Variants in TSN observed in about 807,000 individuals in gnomAD.
TSN encodes the protein component 3 of promoter of RISC.
TSN carries 5 observed loss-of-function variants against 29.4 expected under a neutral mutation model. The observed-to-expected ratio is 0.17, with a 90% CI of 0.09 to 0.36. The LOEUF is 0.36. Among genes scored for constraint, TSN ranks in the 10% least tolerant of loss-of-function variants. The pLI, the probability that TSN is intolerant of heterozygous loss-of-function variation, is 1.00. For missense variants in TSN, 159 were observed against 272.8 expected (o/e 0.58, Z 2.94); for synonymous variants, 106 against 102.2 (o/e 1.04, Z -0.23).
chr2:121,761,445 G>C lies in TSN; in HGVS notation c.294G>C (p.Leu98Phe). 1 of 1,614,054 alleles carries C rather than the reference G, an allele frequency of 6.2e-7. No homozygotes were observed. The highest frequency in any genetic ancestry group is 8.5e-7 in the Non-Finnish European group (1 of 1,180,006). ...HEHWRFVLQR[L>F]VFLAAFVVYL... Reference sequence around the variant, plus strand: ...ACTGGAGGTTTGTGTTGCAGCGCTTGGTCTTCTTGGCAGCATTTGTTGTGT... The same window carrying C: ...ACTGGAGGTTTGTGTTGCAGCGCTTCGTCTTCTTGGCAGCATTTGTTGTGT... The change falls in exon 4 of 6, where the codon TTG (leucine) becomes TTC (phenylalanine). Residue 98 changes from leucine (L) to phenylalanine (F), a missense_variant. Transcript: ENST00000389682.
At chr2:121,756,828 G>A in intron 1 of TSN, 1 of 297,808 alleles carries the variant, frequency 3.4e-6, no homozygotes, top group Non-Finnish European at 6.6e-6. Flanking sequence ...AGAATGGCGT[G>A]AACCCGGGAG....
At chr2:121,756,769 C>T in intron 1 of TSN, 2 of 436,030 alleles carry the variant, frequency 4.6e-6, no homozygotes, top group South Asian at 2.1e-5. Context: ...ATTAACTGGG[C>T]ATGGTTGCGC....
chr2:121,756,504 C>T (rs1296535113), intron 1 of TSN: 12 of 446,400 alleles, frequency 2.7e-5, no homozygotes, highest in Admixed American at 2.1e-4. Flanking sequence ...TTAAAAAAAT[C>T]TTCTCCCTCA....
Position 121,756,313 on chromosome 2 carries a change from C to T in TSN, c.66+468C>T, listed in dbSNP as rs761123708. ...GTCTTTGTGTATGATGTTCACTTTACCTCTTCTAGTGCCCCAAATAGCTTC... is the reference window on the plus strand; with the variant it reads ...GTCTTTGTGTATGATGTTCACTTTATCTCTTCTAGTGCCCCAAATAGCTTC... On this transcript the variant is annotated intron_variant, in intron 1 of 5. Coordinates refer to ENST00000389682, the MANE Select transcript of TSN (RefSeq NM_004622.3). 1.7e-4 allele frequency: 42 copies of T among 249,122 alleles called. 1 individual carries two copies. The highest frequency in any genetic ancestry group is 1.0e-4 in the Admixed American group (2 of 19,050). 15.4% of individuals were successfully genotyped at this position (249,122 alleles called of 1,614,324 possible).
At position 121,765,541 on chromosome 2, in the gene TSN, T is replaced by C. The variant is rs1022191430; in HGVS notation, c.*174T>C. The C allele has an allele frequency of 3.5e-5, 22 of 635,892 alleles. No homozygotes were observed. Among genetic ancestry groups the C allele is most frequent in the Admixed American group, 2.4e-4 (8 of 33,560 alleles). 39.4% of individuals were successfully genotyped at this position (635,892 alleles called of 1,614,324 possible). A position where few individuals can be genotyped will look rare whatever the true frequency, so the allele number is the denominator to read the frequency against. On this transcript the variant is annotated 3_prime_UTR_variant, in exon 6 of 6. Coordinates refer to ENST00000389682, the MANE Select transcript of TSN (RefSeq NM_004622.3). ...AACACTTTTTTGGGGGTAAAAAATA[T>C]AGCCTTTACATGGACAGAATTTTTT...
At chr2:121,756,570 C>G in intron 1 of TSN, 1 of 1,204,918 alleles carries the variant, frequency 8.3e-7, no homozygotes, top group South Asian at 1.3e-5. Context: ...CCGGTATTTA[C>G]ACAGTGCCTC....
intron 1 of TSN, chr2:121,756,740 A>T (rs1274785927): frequency 1.6e-6 from 1 of 606,352 alleles, no homozygotes; most frequent in South Asian, 1.8e-5. Flanking sequence ...CCCTGTCTCT[A>T]CTAAAAATAT....
chr2:121,758,195 C>A (rs1315079641), intron 2 of TSN, among the ~76,000 whole-genome samples: 1 of 152,092 alleles, frequency 6.6e-6, no homozygotes, highest in Non-Finnish European at 1.5e-5. Flanking sequence ...AGACATGGAA[C>A]CTTCATTGTA....
At chr2:121,756,300 G>A in intron 1 of TSN, 2 of 248,926 alleles carry the variant, frequency 8.0e-6, no homozygotes, top group African/African-American at 2.3e-5. Flanking sequence ...CTTTGTGTAT[G>A]ATGTTCACTT....
At chr2:121,758,450 C>T (rs981822517) in intron 2 of TSN, among the ~76,000 whole-genome samples, 25 of 152,130 alleles carry the variant, frequency 1.6e-4, no homozygotes, top group African/African-American at 7.2e-5. Flanking sequence ...TTAAGGATGA[C>T]GTTATTTATG....
intron 3 of TSN, among the ~76,000 whole-genome samples, chr2:121,759,829 T>A (rs1237868655): frequency 6.6e-6 from 1 of 152,170 alleles, no homozygotes; most frequent in East Asian, 1.9e-4. Context: ...AAGGGAGAGG[T>A]TGACAAACCA....
intron 5 of TSN, 61 bp downstream of exon 5, chr2:121,763,145 T>G (rs890735519): frequency 2.3e-6 from 3 of 1,313,782 alleles, no homozygotes; most frequent in Middle Eastern, 1.9e-4. Flanking sequence ...CAGTTTTTTT[T>G]TTTTTTTTTT....
chr2:121,765,551 A>G lies in TSN; in HGVS notation c.*184A>G, dbSNP rs963943237. 6.6e-6 allele frequency: 4 copies of G among 605,894 alleles called. No homozygotes were observed. The highest frequency in any genetic ancestry group is 1.8e-5 in the African/African-American group (1 of 54,146). 37.5% of individuals were successfully genotyped at this position (605,894 alleles called of 1,614,324 possible). ...TGGGGGTAAAAAATATAGCCTTTAC[A>G]TGGACAGAATTTTTTTTGTTGTTTC... On this transcript the variant is annotated 3_prime_UTR_variant, in exon 6 of 6. Transcript: ENST00000389682.
rs1200072049 is a variant in TSN at position 121,763,014 on chromosome 2, A to T, written c.383A>T (p.Asp128Val). Residue 128 changes from aspartate (D) to valine (V), a missense_variant, in exon 5 of 6, where the codon GAT becomes GTT. Asp to Val is a radical substitution (Grantham distance 152). Coordinates refer to ENST00000389682, the MANE Select transcript of TSN (RefSeq NM_004622.3). ...AVTEILGIEP[D>V]REKGFHLDVE... is the part of the protein sequence containing the mutation. ...TTCATGTGTTTTTTAGTTGAGCCAG[A>T]TCGGGAGAAAGGATTTCATCTGGAT... The T allele has an allele frequency of 6.2e-7, 1 of 1,607,674 alleles. No homozygotes were observed. The highest frequency in any genetic ancestry group is 8.5e-7 in the Non-Finnish European group (1 of 1,178,254).
In TSN at chr2:121,766,169, AC is replaced by A. The variant is rs1462261087; in HGVS notation, c.*804del. 1 of 152,226 alleles carries A rather than the reference AC, an allele frequency of 6.6e-6. No individual in the cohort carries two copies. The highest frequency in any genetic ancestry group is 1.5e-5 in the Non-Finnish European group (1 of 68,044). The allele number at this position is 152,226 out of a possible 1,614,324, so 9.4% of individuals were successfully genotyped here. On this transcript the variant is annotated 3_prime_UTR_variant, in exon 6 of 6. Transcript: ENST00000389682. ...ATGTGATATATTCCTAAACTATGAA[AC>A]CTTTTTCCTAGTAGTCAGCTAGATC...
chr2:121,765,917 C>G lies in TSN; in HGVS notation c.*550C>G, dbSNP rs758901725. On this transcript the variant is annotated 3_prime_UTR_variant, in exon 6 of 6. Coordinates refer to ENST00000389682, the MANE Select transcript of TSN (RefSeq NM_004622.3). ...GCCAAGGGAATTATAGCTGCAGGTT[C>G]TCTCTCACTGCCATCAAACTGTAAA... The G allele has an allele frequency of 6.5e-6, 1 of 152,952 alleles. No homozygotes were observed. The highest frequency in any genetic ancestry group is 1.5e-5 in the Non-Finnish European group (1 of 68,596). The allele number at this position is 152,952 out of a possible 1,614,324, so 9.5% of individuals were successfully genotyped here. A position where few individuals can be genotyped will look rare whatever the true frequency, so the allele number is the denominator to read the frequency against.
chr2:121,756,429 T>A (rs1248241775), intron 1 of TSN: 1 of 256,630 alleles, frequency 3.9e-6, no homozygotes, highest in African/African-American at 2.4e-5. Flanking sequence ...GTCTAAGCGA[T>A]CTATTTCCTG....
At chr2:121,756,994 A>G (rs2074759438) in intron 1 of TSN, among the ~76,000 whole-genome samples, 1 of 152,148 alleles carries the variant, frequency 6.6e-6, no homozygotes, top group South Asian at 2.1e-4. Context: ...TTGCGTTCAC[A>G]CACGTCATCC....
At chr2:121,763,380 C>T (rs1573391708) in intron 5 of TSN, among the ~76,000 whole-genome samples, 2 of 152,086 alleles carry the variant, frequency 1.3e-5, no homozygotes, top group Non-Finnish European at 2.9e-5. Flanking sequence ...CTCCTGACCT[C>T]GTGATCCGCC....
Sources: allele counts gnomAD v4.1 joint callset (sites outside exome capture counted in the v4.1 genomes callset), GRCh38; gene constraint gnomAD v4.1.1; transcripts MANE v1.5; gene names NCBI Gene and HGNC (gene_info 2026-07-23, HGNC 2026-07-21).